The following RBMS2 variants were observed in gnomAD, a reference collection of about 807,000 sequenced individuals.
RBMS2 encodes the protein RNA-binding motif, single-stranded-interacting protein 2.
RBMS2 carries 38 observed loss-of-function variants against 58.4 expected under a neutral mutation model. That is an observed-to-expected ratio of 0.65 (90% CI 0.50 to 0.85). RBMS2 has a LOEUF of 0.85. RBMS2 is among the 40% of genes least tolerant of loss of function. RBMS2 has a pLI of 0.00. For missense variants in RBMS2, 367 were observed against 503.7 expected, an observed-to-expected ratio of 0.73 and a Z score of 2.60; for synonymous variants, 151 against 180.7, an observed-to-expected ratio of 0.84 and a Z score of 1.32.
intron 1 of RBMS2, among the ~76,000 whole-genome samples, chr12:56,535,691 C>G (rs933672716): frequency 6.6e-6 from 1 of 152,004 alleles, no homozygotes; most frequent in African/African-American, 2.4e-5. Context: ...TTAAACAGAG[C>G]TCCTGCCTGC....
intron 1 of RBMS2, among the ~76,000 whole-genome samples, chr12:56,552,590 G>A (rs981821384): frequency 6.6e-6 from 1 of 152,180 alleles, no homozygotes. Context: ...CAGGTGCAGT[G>A]GCTGACACTT....
rs1048707453 is a variant in RBMS2, at chr12:56,592,829, G to A, written c.*3696G>A. 6.7e-6 allele frequency: 1 copy of A among 149,894 alleles called. No individual in the cohort carries two copies. Among genetic ancestry groups the A allele is most frequent in the Non-Finnish European group, 1.5e-5 (1 of 67,512 alleles). The allele number at this position is 149,894 out of a possible 1,614,324, so 9.3% of individuals were successfully genotyped here. On this transcript the variant is annotated 3_prime_UTR_variant, in exon 14 of 14. Transcript: ENST00000262031. Reference sequence around the variant, plus strand: ...CCCGGCCTTTATTTTATTTTTTAGAGATGGTCTTGCTGTGTCACCCAGGCT... The same window carrying A: ...CCCGGCCTTTATTTTATTTTTTAGAAATGGTCTTGCTGTGTCACCCAGGCT...
chr12:56,538,901 T>C (rs1875524907), intron 1 of RBMS2, among the ~76,000 whole-genome samples: 1 of 152,228 alleles, frequency 6.6e-6, no homozygotes, highest in Non-Finnish European at 1.5e-5. Flanking sequence ...GTCTTTTGCC[T>C]CCTTGGTTAA....
Position 56,589,471 on chromosome 12 carries a change from C to A in RBMS2, c.*338C>A. ...CCTTGAAGAGACATGGTGGTCGCAG[C>A]TTCTCATCTATATGAAAAAGTTTTC... On this transcript the variant is annotated 3_prime_UTR_variant, in exon 14 of 14. Coordinates refer to ENST00000262031, the MANE Select transcript of RBMS2 (RefSeq NM_002898.4). The A allele has an allele frequency of 3.6e-6, 1 of 279,968 alleles. No homozygotes were observed. Among genetic ancestry groups the A allele is most frequent in the Non-Finnish European group, 6.3e-6 (1 of 159,614 alleles). The allele number at this position is 279,968 out of a possible 1,614,324, so 17.3% of individuals were successfully genotyped here.
In RBMS2 at chr12:56,587,578, G is replaced by T; in HGVS notation, c.976G>T (p.Asp326Tyr). 6.2e-7 allele frequency: 1 copy of T among 1,613,930 alleles called. No individual in the cohort carries two copies. The highest frequency in any genetic ancestry group is 1.3e-5 in the African/African-American group (1 of 74,988). The change falls in exon 11 of 14, where the codon GAC becomes TAC. Residue 326 changes from aspartate to tyrosine, a missense_variant. Around this residue, in one of 3 missense-constraint regions of RBMS2, gnomAD observed 220 missense variants for 261.1 expected, o/e 0.84. Transcript: ENST00000262031. ...PSGSVLTPGM[D>Y]HPISLQPASM... ...GGGTTCAGTTCTGACACCAGGGATG[G>T]ACCATCCCATTTCTCTCCAGCCTGC...
intron 5 of RBMS2, among the ~76,000 whole-genome samples, chr12:56,577,035 CAAAAAAA>C (rs60298708): frequency 2.0e-4 from 13 of 63,636 alleles, no homozygotes; most frequent in East Asian, 4.8e-4. Context: ...AGTGAGATTC[CAAAAAAA>C]AAAAAAAAAA....
At chr12:56,555,380 C>A (rs1330636196) in intron 1 of RBMS2, among the ~76,000 whole-genome samples, 1 of 147,964 alleles carries the variant, frequency 6.8e-6, no homozygotes, top group Non-Finnish European at 1.5e-5. Flanking sequence ...GCGGAGGTTG[C>A]GGTGATACAA....
chr12:56,564,792 G>A (rs1490897491), intron 2 of RBMS2, among the ~76,000 whole-genome samples: 2 of 152,160 alleles, frequency 1.3e-5, no homozygotes, highest in Non-Finnish European at 2.9e-5. Flanking sequence ...TGGCCAACAT[G>A]GTTAAACCCC....
intron 1 of RBMS2, among the ~76,000 whole-genome samples, chr12:56,548,266 G>C (rs983661680): frequency 8.6e-5 from 13 of 151,964 alleles, no homozygotes; most frequent in Non-Finnish European, 1.5e-4. Flanking sequence ...GGCCAACATG[G>C]TGAAACCCCA....
intron 1 of RBMS2, among the ~76,000 whole-genome samples, chr12:56,537,782 C>G (rs1424425217): frequency 6.6e-6 from 1 of 150,986 alleles, no homozygotes; most frequent in Non-Finnish European, 1.5e-5. Context: ...AACCACTGTC[C>G]TGTTTTCAAC....
rs909463899 is a variant in RBMS2, at chr12:56,572,853, T to C, written c.542+998T>C. On this transcript the variant is annotated intron_variant, in intron 5 of 13. Coordinates refer to ENST00000262031, the MANE Select transcript of RBMS2 (RefSeq NM_002898.4). Reference sequence around the variant, plus strand: ...CTGTGATATCAGAGCTTGTGAGCCTTGGTTCACTCTCTGAAGTGGAGATTG... The same window carrying C: ...CTGTGATATCAGAGCTTGTGAGCCTCGGTTCACTCTCTGAAGTGGAGATTG... 70 of 983,528 alleles carry C rather than the reference T, an allele frequency of 7.1e-5. No individual in the cohort carries two copies. The Admixed American group carries it at 8.0e-4, about 11-fold the overall frequency. The allele number at this position is 983,528 out of a possible 1,614,324, so 60.9% of individuals were successfully genotyped here.
At chr12:56,528,103 G>A (rs535864259) in intron 1 of RBMS2, 1 of 152,182 alleles carries the variant, frequency 6.6e-6, no homozygotes, top group South Asian at 2.1e-4. Context: ...ACAAAAATTA[G>A]CCACATATGG....
chr12:56,552,837 G>T (rs1399309994), intron 1 of RBMS2, among the ~76,000 whole-genome samples: 1 of 150,052 alleles, frequency 6.7e-6, no homozygotes, highest in Non-Finnish European at 1.5e-5. Flanking sequence ...GCAAGACCCT[G>T]TCTCAAAAAA....
intron 5 of RBMS2, among the ~76,000 whole-genome samples, chr12:56,575,605 G>A (rs1883005266): frequency 6.7e-6 from 1 of 148,780 alleles, no homozygotes; most frequent in South Asian, 2.1e-4. Context: ...ATTAAATACA[G>A]TAGTCTCGGC....
rs148127091 is a variant in RBMS2 at position 56,588,661 on chromosome 12, C to T, written c.1144-271C>T. On this transcript the variant is annotated intron_variant, in intron 12 of 13. Coordinates refer to ENST00000262031, the MANE Select transcript of RBMS2 (RefSeq NM_002898.4). ...CAGATGTAGGAAAGAAGGACTTGGT[C>T]TGAGTTCATGAATGAGGCCCTTCCT... 142 of 588,746 alleles carry T rather than the reference C, an allele frequency of 2.4e-4. 1 individual carries two copies. In the African/African-American group the frequency reaches 2.5e-3, roughly 10 times the overall value. 36.5% of individuals were successfully genotyped at this position (588,746 alleles called of 1,614,324 possible). A position where few individuals can be genotyped will look rare whatever the true frequency, so the allele number is the denominator to read the frequency against.
intron 1 of RBMS2, among the ~76,000 whole-genome samples, chr12:56,547,097 C>T (rs1055501530): frequency 1.3e-5 from 2 of 152,048 alleles, no homozygotes; most frequent in African/African-American, 4.8e-5. Context: ...CACCTGTAAT[C>T]CTAGCACTTT....
chr12:56,543,376 C>A (rs1026760104), intron 1 of RBMS2, among the ~76,000 whole-genome samples: 1 of 150,554 alleles, frequency 6.6e-6, no homozygotes, highest in African/African-American at 2.4e-5. Context: ...TCCCAGCTAC[C>A]TGGGAGGCTG....
rs376730098 is a variant in RBMS2 at position 56,581,482 on chromosome 12, C to T, written c.706C>T (p.Arg236Trp). 32 of 1,614,014 alleles carry T rather than the reference C, an allele frequency of 2.0e-5. No individual in the cohort carries two copies. The highest frequency in any genetic ancestry group is 1.3e-4 in the African/African-American group (10 of 74,916). Residue 236 changes from arginine to tryptophan, a missense_variant, in exon 7 of 14, where the codon CGG becomes TGG. Transcript: ENST00000262031. ...QNQGKFVQNG[R>W]AWPRNADMGV... ...CCAAGGAAAATTTGTGCAAAATGGA[C>T]GGGCTTGGCCAAGGAATGCAGACAT...
intron 1 of RBMS2, among the ~76,000 whole-genome samples, chr12:56,556,776 G>T (rs1879308753): frequency 6.6e-6 from 1 of 152,096 alleles, no homozygotes; most frequent in Non-Finnish European, 1.5e-5. Context: ...AGGTAAAACT[G>T]CTCCCTTGGT....
Sources: gnomAD v4.1 joint callset for allele counts (sites outside exome capture counted in the v4.1 genomes callset) on GRCh38, gnomAD v4.1.1 for gene constraint, gnomAD v4.1.1 regional missense constraint, MANE v1.5 for transcripts, NCBI Gene and HGNC (gene_info 2026-07-23, HGNC 2026-07-21) for gene names.